FLNC: variants seen among roughly 807,000 people sequenced by gnomAD.
The protein encoded by FLNC is filamin-C.
FLNC carries 91 observed loss-of-function variants against 254.3 expected under a neutral mutation model. The ratio of observed to expected loss-of-function variants is 0.36; its 90% CI spans 0.30 to 0.43. The LOEUF is 0.43. FLNC is among the 20% of genes least tolerant of loss of function. The pLI, the probability that FLNC is intolerant of heterozygous loss-of-function variation, is 1.00. For missense variants in FLNC, 2,853 were observed against 3,802.6 expected (o/e 0.75, Z 6.57); for synonymous variants, 1,430 against 1,577.2 (o/e 0.91, Z 2.21).
chr7:128,845,974 C>A lies in FLNC; in HGVS notation c.3791-16C>A. ...CTGCCCCCACCCCTGCTGAACACGCCACCCCTGGGCTCCAGGTGTCCTGCG... is the reference window on the plus strand; with the variant it reads ...CTGCCCCCACCCCTGCTGAACACGCAACCCCTGGGCTCCAGGTGTCCTGCG... On this transcript the variant is annotated splice_polypyrimidine_tract_variant and intron_variant, in intron 21 of 47. Coordinates refer to ENST00000325888, the MANE Select transcript of FLNC (RefSeq NM_001458.5). 6.2e-7 allele frequency: 1 copy of A among 1,613,172 alleles called. No individual in the cohort carries two copies. The highest frequency in any genetic ancestry group is 8.5e-7 in the Non-Finnish European group (1 of 1,179,890).
rs1382297602 is a variant in FLNC at position 128,844,777 on chromosome 7, G to A, written c.3312G>A (p.Glu1104=). Residue 1104 remains glutamate, a synonymous_variant, in exon 21 of 48, where the codon GAG becomes GAA. Coordinates refer to ENST00000325888, the MANE Select transcript of FLNC (RefSeq NM_001458.5). ...GGCTGACCGTAGAGGGCCCCTGCGAGGCCAAGATCGAGTGCCAGGACAATG... is the reference window on the plus strand; with the variant it reads ...GGCTGACCGTAGAGGGCCCCTGCGAAGCCAAGATCGAGTGCCAGGACAATG... ...GLGLTVEGPC[E]AKIECQDNGD... The A allele has an allele frequency of 1.2e-6, 2 of 1,613,986 alleles. No individual in the cohort carries two copies. Among genetic ancestry groups the A allele is most frequent in the East Asian group, 2.2e-5 (1 of 44,904 alleles).
rs755896041 is a variant in FLNC at position 128,844,201 on chromosome 7, G to A, written c.3127G>A (p.Asp1043Asn). The change falls in exon 20 of 48, where the codon GAT becomes AAT. Residue 1043 changes from aspartate to asparagine, a missense_variant. Transcript: ENST00000325888. ...GCCCTACAAGGTGGATATCACCTAC[G>A]ATGGTCACCCGGTGCCTGGCAGCCC... ...EGPYKVDITY[D>N]GHPVPGSPFA... 25 of 1,612,972 alleles carry A rather than the reference G, an allele frequency of 1.5e-5. No individual in the cohort carries two copies. The highest frequency in any genetic ancestry group is 4.4e-5 in the South Asian group (4 of 91,028).
intron 33 of FLNC, 38 bp downstream of exon 33, chr7:128,850,981 G>A (rs1257793009): frequency 6.2e-7 from 1 of 1,610,112 alleles, no homozygotes; most frequent in Non-Finnish European, 8.5e-7. Context: ...GCTTGGGTGA[G>A]AGGAGCAGGC....
At chr7:128,850,358 T>C in intron 31 of FLNC, 26 bp from the exon 32 acceptor site, 2 of 1,591,280 alleles carry the variant, frequency 1.3e-6, no homozygotes, top group Middle Eastern at 3.3e-4. Context: ...CCCCAGTCAC[T>C]GACTGTTCCC....
Position 128,838,421 on chromosome 7 carries a change from A to C in FLNC, c.1202A>C (p.Tyr401Ser). ...AACAAACCCACCTACTTTGACATCT[A>C]CACTGCGGGTAGGACGGGCCCCAGG... ...VANKPTYFDI[Y>S]TAGAGTGDVA... The change falls in exon 7 of 48, where the codon TAC (tyrosine) becomes TCC (serine). Residue 401 changes from tyrosine to serine, a missense_variant. By Grantham distance (144) the Tyr-to-Ser change is moderately radical (BLOSUM62 -2). This residue lies in a region of FLNC where 1,573 missense variants were observed against 1,883.5 expected (regional missense o/e 0.84). Coordinates refer to ENST00000325888, the MANE Select transcript of FLNC (RefSeq NM_001458.5). 1 of 1,608,584 alleles carries C rather than the reference A, an allele frequency of 6.2e-7. No individual in the cohort carries two copies. The highest frequency in any genetic ancestry group is 8.5e-7 in the Non-Finnish European group (1 of 1,177,374).
At position 128,856,049 on chromosome 7, in the gene FLNC, C is replaced by T. The variant is rs139284826; in HGVS notation, c.7252-469C>T. 4.0e-3 allele frequency among the ~76,000 whole-genome samples: 615 copies of T among 152,314 alleles called. 1 individual carries two copies. Among genetic ancestry groups the T allele is most frequent in the Non-Finnish European group, 6.4e-3 (434 of 68,028 alleles). Reference sequence around the variant, plus strand: ...TCCTCCCACTCCTGAACTGGGCTCCCCGATGCAGGCTCCAATCCCTCCCCC... The same window carrying T: ...TCCTCCCACTCCTGAACTGGGCTCCTCGATGCAGGCTCCAATCCCTCCCCC... On this transcript the variant is annotated intron_variant, in intron 43 of 47. Transcript: ENST00000325888. The surrounding 1 kb of genome is among the most constrained non-coding windows in gnomAD (Gnocchi z 5.9).
intron 9 of FLNC, 127 bp from the exon 10 acceptor site, chr7:128,840,421 G>A: frequency 7.8e-7 from 1 of 1,278,510 alleles, no homozygotes; most frequent in Non-Finnish European, 1.1e-6. Context: ...CTGAGTTGCA[G>A]CACTGCTCAC....
rs1808965024 is a variant in FLNC at position 128,854,429 on chromosome 7, G to C, written c.6744G>C (p.Gln2248His). 2 of 1,610,542 alleles carry C rather than the reference G, an allele frequency of 1.2e-6. No homozygotes were observed. Among genetic ancestry groups the C allele is most frequent in the Non-Finnish European group, 1.7e-6 (2 of 1,178,922 alleles). The part of the protein sequence containing the change: ...TRQQEGEASS[Q>H]DMTAQVTSPS... The stretch of plus-strand genomic sequence containing the variant: ...ACCCTGCAGGTGAGGCCAGCTCTCA[G>C]GACATGACTGCACAGGTGACCAGCC... Residue 2248 changes from glutamine (Q) to histidine (H), a missense_variant, in exon 41 of 48, where the codon CAG (glutamine) becomes CAC (histidine). Around this residue, in one of 10 missense-constraint regions of FLNC, gnomAD observed 551 missense variants for 835.0 expected, o/e 0.66. Coordinates refer to ENST00000325888, the MANE Select transcript of FLNC (RefSeq NM_001458.5).
At position 128,843,337 on chromosome 7, in the gene FLNC, G is replaced by A. The variant is rs763402287; in HGVS notation, c.2641+18G>A. ...TCGCACAGGTGAGTGTCTGGGCAGGGGCTGGGACTGGCTCGAGGTTGGGGT... is the reference window on the plus strand; with the variant it reads ...TCGCACAGGTGAGTGTCTGGGCAGGAGCTGGGACTGGCTCGAGGTTGGGGT... On this transcript the variant is annotated intron_variant, in intron 17 of 47. Transcript: ENST00000325888. 1.6e-5 allele frequency: 25 copies of A among 1,612,586 alleles called. No individual in the cohort carries two copies. In the African/African-American group the frequency reaches 1.6e-4, roughly 10 times the overall value.
intron 1 of FLNC, 53 bp downstream of exon 1, chr7:128,831,042 G>A: frequency 6.4e-7 from 1 of 1,559,902 alleles, no homozygotes; most frequent in Non-Finnish European, 8.7e-7. Context: ...TCGTCCCATG[G>A]GGCAGGGGCA....
chr7:128,851,474 G>A lies in FLNC; in HGVS notation c.5688G>A (p.Val1896=). The change falls in exon 35 of 48, where the codon GTG becomes GTA. Residue 1896 remains valine (V), a synonymous_variant. Transcript: ENST00000325888. ...CTACAGGGGGTCTGTCACTGGCCGT[G>A]GAGGGCCCATCCAAGGCAGAGATCA... The part of the protein sequence containing the change: ...DAGEGGLSLA[V]EGPSKAEITC... 1.2e-6 allele frequency: 2 copies of A among 1,614,004 alleles called. No individual in the cohort carries two copies. The highest frequency in any genetic ancestry group is 1.3e-5 in the African/African-American group (1 of 75,068).
rs1358771930 is a variant in FLNC at position 128,842,735 on chromosome 7, C to T, written c.2389+37C>T. 1.0e-5 allele frequency: 15 copies of T among 1,484,616 alleles called. No homozygotes were observed. The South Asian group carries it at 1.1e-4, about 10-fold the overall frequency. 92.0% of individuals were successfully genotyped at this position (1,484,616 alleles called of 1,614,324 possible). ...CGGAAGGGGTGGGTCTGGGAGGGGGCGGGGGTGAGTCGAGTCGGGGGCTGA... is the reference window on the plus strand; with the variant it reads ...CGGAAGGGGTGGGTCTGGGAGGGGGTGGGGGTGAGTCGAGTCGGGGGCTGA... On this transcript the variant is annotated intron_variant, in intron 15 of 47. Transcript: ENST00000325888. The surrounding 1 kb of genome is among the most constrained non-coding windows in gnomAD (Gnocchi z 5.4).
At position 128,842,737 on chromosome 7, in the gene FLNC, G is replaced by T; in HGVS notation, c.2389+39G>T. The T allele has an allele frequency of 6.3e-7, 1 of 1,590,716 alleles. No individual in the cohort carries two copies. Among genetic ancestry groups the T allele is most frequent in the Non-Finnish European group, 8.6e-7 (1 of 1,169,138 alleles). ...GAAGGGGTGGGTCTGGGAGGGGGCG[G>T]GGGTGAGTCGAGTCGGGGGCTGAGC... On this transcript the variant is annotated intron_variant, in intron 15 of 47. Transcript: ENST00000325888. This position sits in a 1 kb window ranked among gnomAD's most constrained non-coding sequence, Gnocchi z 5.4.
chr7:128,840,477 AG>A, intron 9 of FLNC, 70 bp from the exon 10 acceptor site: 1 of 1,608,278 alleles, frequency 6.2e-7, no homozygotes, highest in South Asian at 1.1e-5. Flanking sequence ...TGGCTCCTTG[AG>A]GGGATTGAGG....
chr7:128,854,926 C>T lies in FLNC; in HGVS notation c.7135+14C>T. The T allele has an allele frequency of 6.2e-7, 1 of 1,613,766 alleles. No homozygotes were observed. Among genetic ancestry groups the T allele is most frequent in the Non-Finnish European group, 8.5e-7 (1 of 1,179,912 alleles). ...TCCAGGAACCAGGTGGGCGTCCACA[C>T]TGGCAGTGGGGCTGGGCCTGCCTGA... On this transcript the variant is annotated intron_variant, in intron 42 of 47. Coordinates refer to ENST00000325888, the MANE Select transcript of FLNC (RefSeq NM_001458.5).
At chr7:128,843,685 C>A in intron 18 of FLNC, 108 bp downstream of exon 18, 1 of 1,492,136 alleles carries the variant, frequency 6.7e-7, no homozygotes, top group Non-Finnish European at 9.4e-7. Flanking sequence ...CCTTTCCTGC[C>A]TCCTGCCCTC....
intron 21 of FLNC, among the ~76,000 whole-genome samples, chr7:128,845,543 A>T (rs185731114): frequency 6.6e-6 from 1 of 152,254 alleles, no homozygotes; most frequent in Non-Finnish European, 1.5e-5. Context: ...ACCCTGATCC[A>T]AAAAGCTAAA....
At chr7:128,849,936 A>C in intron 30 of FLNC, 40 bp from the exon 31 acceptor site, 1 of 1,389,282 alleles carries the variant, frequency 7.2e-7, no homozygotes. Flanking sequence ...TAGGCCTGTG[A>C]GGCTGCCACA....
chr7:128,841,214 G>T lies in FLNC; in HGVS notation c.1858G>T (p.Asp620Tyr), dbSNP rs567514134. ...GPSQAKIECD[D>Y]KGDGSCDVRY... Reference sequence around the variant, plus strand: ...CTCACAAGCCAAGATCGAATGTGACGACAAGGGGGATGGCTCCTGCGATGT... The same window carrying T: ...CTCACAAGCCAAGATCGAATGTGACTACAAGGGGGATGGCTCCTGCGATGT... The change falls in exon 12 of 48, where the codon GAC becomes TAC. Residue 620 changes from aspartate to tyrosine, a missense_variant. Physicochemically the swap from Asp to Tyr is radical, Grantham distance 160. Coordinates refer to ENST00000325888, the MANE Select transcript of FLNC (RefSeq NM_001458.5). This position sits in a 1 kb window ranked among gnomAD's most constrained non-coding sequence, Gnocchi z 4.3. 2 of 1,614,082 alleles carry T rather than the reference G, an allele frequency of 1.2e-6. No individual in the cohort carries two copies. Among genetic ancestry groups the T allele is most frequent in the Admixed American group, 1.7e-5 (1 of 60,024 alleles).
Sources: gnomAD v4.1 joint callset for allele counts (sites outside exome capture counted in the v4.1 genomes callset) on GRCh38, gnomAD v4.1.1 for gene constraint, gnomAD v4.1.1 regional missense constraint, Gnocchi (gnomAD v3.1) non-coding constraint, MANE v1.5 for transcripts, NCBI Gene and HGNC (gene_info 2026-07-23, HGNC 2026-07-21) for gene names.